The following DNER variants were observed in gnomAD, a reference collection of about 807,000 sequenced individuals.
DNER encodes the protein delta/notch like EGF repeat containing.
DNER carries 33 observed loss-of-function variants against 78.2 expected under a neutral mutation model. That is an observed-to-expected ratio of 0.42 (90% CI 0.32 to 0.56). DNER has a LOEUF of 0.56. DNER is among the 20% of genes least tolerant of loss of function. DNER has a pLI of 0.11. For synonymous variants in DNER, 417 were observed against 384.8 expected, an observed-to-expected ratio of 1.08 and a Z score of -0.98; for missense variants, 918 against 975.3, an observed-to-expected ratio of 0.94 and a Z score of 0.78.
At chr2:229,388,435 C>T in intron 10 of DNER, 39 bp from the exon 11 acceptor site, 1 of 1,546,588 alleles carries the variant, frequency 6.5e-7, no homozygotes, top group Non-Finnish European at 8.7e-7. Flanking sequence ...AACCGCTGCA[C>T]CCATGGTTCC....
chr2:229,410,151 A>C (rs997496450), intron 9 of DNER, among the ~76,000 whole-genome samples: 1 of 152,058 alleles, frequency 6.6e-6, no homozygotes, highest in Non-Finnish European at 1.5e-5. Flanking sequence ...CTAATCTCTC[A>C]ATTCCCAATC....
intron 1 of DNER, among the ~76,000 whole-genome samples, chr2:229,647,794 A>G (rs1698745163): frequency 2.0e-5 from 3 of 152,234 alleles, no homozygotes; most frequent in Non-Finnish European, 4.4e-5. Flanking sequence ...TAAGAATTTT[A>G]AGGGAAAAGG....
chr2:229,370,999 T>C (rs921428031), intron 11 of DNER, among the ~76,000 whole-genome samples: 4 of 152,216 alleles, frequency 2.6e-5, no homozygotes, highest in African/African-American at 9.6e-5. Context: ...TTTATGACCA[T>C]CTGCTCCGTT....
chr2:229,613,063 C>A (rs1428176729), intron 1 of DNER, among the ~76,000 whole-genome samples: 2 of 152,208 alleles, frequency 1.3e-5, no homozygotes, highest in African/African-American at 2.4e-5. Flanking sequence ...AAATGTCCAA[C>A]ATGAGATACT....
intron 4 of DNER, among the ~76,000 whole-genome samples, chr2:229,559,195 G>A (rs1696910534): frequency 1.3e-5 from 2 of 152,128 alleles, no homozygotes; most frequent in South Asian, 4.1e-4. Flanking sequence ...AATCAAGTTG[G>A]TGGTTGGACG....
chr2:229,448,125 G>C (rs1202736690), intron 7 of DNER, among the ~76,000 whole-genome samples: 1 of 151,836 alleles, frequency 6.6e-6, no homozygotes, highest in Non-Finnish European at 1.5e-5. Context: ...TTTTTAAAAA[G>C]TTGATTGTTG....
intron 7 of DNER, among the ~76,000 whole-genome samples, chr2:229,450,324 C>T (rs1439110196): frequency 1.3e-5 from 2 of 152,028 alleles, no homozygotes; most frequent in African/African-American, 2.4e-5. Flanking sequence ...GAACAAGAAG[C>T]TTATACCTAC....
intron 12 of DNER, among the ~76,000 whole-genome samples, chr2:229,359,433 G>T (rs9653373): frequency 0.11 from 17,354 of 152,088 alleles, 1,760 homozygotes; most frequent in East Asian, 0.52. Context: ...CAACTTCTGG[G>T]TGGTCTCTTC....
At chr2:229,694,481 C>T (rs943484445) in intron 1 of DNER, among the ~76,000 whole-genome samples, 15 of 151,898 alleles carry the variant, frequency 9.9e-5, no homozygotes, top group East Asian at 3.9e-4. Flanking sequence ...TGAAAGCAGA[C>T]AGAAGAGGGG....
At chr2:229,456,549 A>G (rs139765230) in intron 7 of DNER, among the ~76,000 whole-genome samples, 1 of 152,094 alleles carries the variant, frequency 6.6e-6, no homozygotes, top group East Asian at 1.9e-4. Context: ...CCATGGTCTT[A>G]CACTTCTGGT....
Position 229,447,641 on chromosome 2 carries a change from C to T in DNER, c.1262-101G>A. ...CACTGTATATGCATAACAATTAATT[C>T]ATTCACAGCTTCCAGATATGTCACA... On this transcript the variant is annotated intron_variant, in intron 7 of 12. Coordinates refer to ENST00000341772, the MANE Select transcript of DNER (RefSeq NM_139072.4). 4.8e-6 allele frequency: 6 copies of T among 1,251,474 alleles called. No homozygotes were observed. The South Asian group carries it at 7.3e-5, about 15-fold the overall frequency. The allele number at this position is 1,251,474 out of a possible 1,614,324, so 77.5% of individuals were successfully genotyped here.
chr2:229,552,043 C>T (rs537315086), intron 4 of DNER, among the ~76,000 whole-genome samples: 8 of 152,192 alleles, frequency 5.3e-5, no homozygotes, highest in Middle Eastern at 3.4e-3. Flanking sequence ...AATACATATA[C>T]GTAATTTAAA....
chr2:229,544,279 C>T (rs1194136609), intron 5 of DNER, among the ~76,000 whole-genome samples: 6 of 152,088 alleles, frequency 3.9e-5, no homozygotes, highest in Non-Finnish European at 2.9e-5. Context: ...ATGTAAAGGG[C>T]AGGCTTGGCC....
At chr2:229,675,846 T>G (rs1320900352) in intron 1 of DNER, among the ~76,000 whole-genome samples, 6 of 152,132 alleles carry the variant, frequency 3.9e-5, no homozygotes, top group Non-Finnish European at 8.8e-5. Flanking sequence ...GTGAGAACCA[T>G]GCACTGGTGA....
At chr2:229,611,116 T>C (rs543162557) in intron 1 of DNER, among the ~76,000 whole-genome samples, 7 of 152,256 alleles carry the variant, frequency 4.6e-5, no homozygotes, top group Non-Finnish European at 1.0e-4. Context: ...GGTGATCAAC[T>C]GAGCAGCTGT....
intron 5 of DNER, among the ~76,000 whole-genome samples, chr2:229,533,326 A>T (rs553655669): frequency 1.3e-5 from 2 of 152,256 alleles, no homozygotes; most frequent in East Asian, 3.9e-4. Context: ...TTAAGACATG[A>T]TGTGCCTTTT....
chr2:229,639,596 A>C (rs1477852220), intron 1 of DNER, among the ~76,000 whole-genome samples: 1 of 152,188 alleles, frequency 6.6e-6, no homozygotes, highest in East Asian at 1.9e-4. Flanking sequence ...TTCTTGAAAC[A>C]CTCAAGGACA....
At chr2:229,687,722 A>C (rs1208393469) in intron 1 of DNER, among the ~76,000 whole-genome samples, 1 of 152,206 alleles carries the variant, frequency 6.6e-6, no homozygotes, top group East Asian at 1.9e-4. Context: ...CACTTCAAGA[A>C]GTATATTTTT....
At chr2:229,657,162 C>T (rs1698927028) in intron 1 of DNER, among the ~76,000 whole-genome samples, 1 of 151,712 alleles carries the variant, frequency 6.6e-6, no homozygotes, top group South Asian at 2.1e-4. Flanking sequence ...TTCCCCACCC[C>T]TCAGAACCAC....
Sources: gnomAD v4.1 joint callset for allele counts (sites outside exome capture counted in the v4.1 genomes callset) on GRCh38, gnomAD v4.1.1 for gene constraint, MANE v1.5 for transcripts, NCBI Gene and HGNC (gene_info 2026-07-23, HGNC 2026-07-21) for gene names.